The following MGAT4A variants were observed in gnomAD, a reference collection of about 807,000 sequenced individuals.
MGAT4A encodes the protein alpha-1,3-mannosyl-glycoprotein 4-beta-N-acetylglucosaminyltransferase A.
MGAT4A carries 33 observed loss-of-function variants against 74.1 expected under a neutral mutation model. The observed-to-expected ratio is 0.45, with a 90% confidence interval of 0.34 to 0.60. The LOEUF is 0.60. MGAT4A is among the 20% of genes least tolerant of loss of function. The pLI is 0.02. For synonymous variants in MGAT4A, 198 were observed against 210.4 expected, an observed-to-expected ratio of 0.94 and a Z score of 0.51; for missense variants, 479 against 628.3, an observed-to-expected ratio of 0.76 and a Z score of 2.54.
intron 3 of MGAT4A, among the ~76,000 whole-genome samples, chr2:98,675,474 A>C (rs989961318): frequency 3.9e-5 from 6 of 152,240 alleles, no homozygotes; most frequent in Admixed American, 2.0e-4. Context: ...AGTTTGCCAA[A>C]CAGACTCTAA....
chr2:98,621,896 A>G lies in MGAT4A; in HGVS notation c.*3670T>C. 1.0e-6 allele frequency: 1 copy of G among 1,002,912 alleles called. No homozygotes were observed. Among genetic ancestry groups the G allele is most frequent in the South Asian group, 4.3e-5 (1 of 23,420 alleles). The allele number at this position is 1,002,912 out of a possible 1,614,324, so 62.1% of individuals were successfully genotyped here. On this transcript the variant is annotated 3_prime_UTR_variant, in exon 16 of 16. Coordinates refer to ENST00000393487, the MANE Select transcript of MGAT4A (RefSeq NM_012214.3). ...CAACCACTGATTTGAGAAGATACACACTTTGTTCAAGGGTATTCAACCATC... is the reference window on the plus strand; with the variant it reads ...CAACCACTGATTTGAGAAGATACACGCTTTGTTCAAGGGTATTCAACCATC...
At chr2:98,671,449 G>A (rs1701909436) in intron 4 of MGAT4A, among the ~76,000 whole-genome samples, 1 of 152,148 alleles carries the variant, frequency 6.6e-6, no homozygotes, top group African/African-American at 2.4e-5. Flanking sequence ...TCCCATAAAT[G>A]GTCTAGGAGG....
At chr2:98,635,882 G>C (rs1701311468) in intron 13 of MGAT4A, among the ~76,000 whole-genome samples, 1 of 151,498 alleles carries the variant, frequency 6.6e-6, no homozygotes, top group South Asian at 2.1e-4. Flanking sequence ...CAGCTACTCG[G>C]GAGGCTGAGG....
rs1702704491 is a variant in MGAT4A, at chr2:98,723,176, C to A, written c.94+3063G>T. ...TATTCTTTCAAGTGGTGAATGAGGACTATGTCAAAGCAGTACTTCTAGGAA... is the reference window on the plus strand; with the variant it reads ...TATTCTTTCAAGTGGTGAATGAGGAATATGTCAAAGCAGTACTTCTAGGAA... On this transcript the variant is annotated intron_variant, in intron 2 of 15. Coordinates refer to ENST00000393487, the MANE Select transcript of MGAT4A (RefSeq NM_012214.3). 7.9e-5 allele frequency among the ~76,000 whole-genome samples: 12 copies of A among 152,178 alleles called. 1 individual carries two copies. In the South Asian group the frequency reaches 2.5e-3, roughly 32 times the overall value.
intron 2 of MGAT4A, among the ~76,000 whole-genome samples, chr2:98,707,066 T>C (rs1702449324): frequency 6.6e-6 from 1 of 151,876 alleles, no homozygotes; most frequent in Non-Finnish European, 1.5e-5. Flanking sequence ...AAATACAAAA[T>C]TAGCTGGGTG....
In MGAT4A at chr2:98,622,273, T is replaced by C. The variant is rs937046183; in HGVS notation, c.*3293A>G. 5.5e-5 allele frequency: 54 copies of C among 985,336 alleles called. No homozygotes were observed. The highest frequency in any genetic ancestry group is 6.5e-5 in the Non-Finnish European group (54 of 829,948). 61.0% of individuals were successfully genotyped at this position (985,336 alleles called of 1,614,324 possible). A position where few individuals can be genotyped will look rare whatever the true frequency, so the allele number is the denominator to read the frequency against. On this transcript the variant is annotated 3_prime_UTR_variant, in exon 16 of 16. Coordinates refer to ENST00000393487, the MANE Select transcript of MGAT4A (RefSeq NM_012214.3). ...GACACAGTACTGTTCAACAGAGCTT[T>C]CTGCAGTGATGGAAAAGTTCTGCAT...
At chr2:98,718,136 T>C (rs1379048423) in intron 2 of MGAT4A, among the ~76,000 whole-genome samples, 2 of 152,216 alleles carry the variant, frequency 1.3e-5, no homozygotes, top group African/African-American at 4.8e-5. Flanking sequence ...AGTCTACTGA[T>C]TCAAAGGTAC....
At chr2:98,663,938 T>C (rs1701789655) in intron 4 of MGAT4A, among the ~76,000 whole-genome samples, 1 of 152,152 alleles carries the variant, frequency 6.6e-6, no homozygotes, top group African/African-American at 2.4e-5. Flanking sequence ...CCAGGCACAG[T>C]GGTTCACGCC....
chr2:98,724,591 C>T (rs969782589), intron 2 of MGAT4A, among the ~76,000 whole-genome samples: 3 of 152,002 alleles, frequency 2.0e-5, no homozygotes, highest in African/African-American at 4.8e-5. Context: ...TCTAACACTG[C>T]GTGGAGAAAG....
At chr2:98,659,329 C>G (rs766590075) in intron 5 of MGAT4A, among the ~76,000 whole-genome samples, 1 of 152,114 alleles carries the variant, frequency 6.6e-6, no homozygotes, top group Non-Finnish European at 1.5e-5. Flanking sequence ...TAATTATGAG[C>G]ATTATTTCTC....
rs964428897 is a variant in MGAT4A, at chr2:98,623,712, T to C, written c.*1854A>G. 5.1e-6 allele frequency: 5 copies of C among 985,470 alleles called. No individual in the cohort carries two copies. The highest frequency in any genetic ancestry group is 6.0e-6 in the Non-Finnish European group (5 of 829,928). 61.0% of individuals were successfully genotyped at this position (985,470 alleles called of 1,614,324 possible). ...AATCAAGAAAAGTAACTAAAAATTA[T>C]AACAACATGGAGTGATGGAAATAAT... On this transcript the variant is annotated 3_prime_UTR_variant, in exon 16 of 16. Coordinates refer to ENST00000393487, the MANE Select transcript of MGAT4A (RefSeq NM_012214.3).
At position 98,622,111 on chromosome 2, in the gene MGAT4A, A is replaced by C; in HGVS notation, c.*3455T>G. The C allele has an allele frequency of 1.0e-6, 1 of 985,436 alleles. No homozygotes were observed. The highest frequency in any genetic ancestry group is 1.2e-6 in the Non-Finnish European group (1 of 829,884). 61.0% of individuals were successfully genotyped at this position (985,436 alleles called of 1,614,324 possible). A position where few individuals can be genotyped will look rare whatever the true frequency, so the allele number is the denominator to read the frequency against. ...AAGAAATCTTACATCTTAGAATCCT[A>C]GAAATGGGTCCTCAGCTTTCTCTTC... is the stretch of plus-strand genomic sequence containing the variant. On this transcript the variant is annotated 3_prime_UTR_variant, in exon 16 of 16. Transcript: ENST00000393487.
At chr2:98,662,072 T>C (rs546207845) in intron 5 of MGAT4A, among the ~76,000 whole-genome samples, 1 of 152,284 alleles carries the variant, frequency 6.6e-6, no homozygotes, top group East Asian at 1.9e-4. Flanking sequence ...CAATGTGGTG[T>C]TCCATAGTGC....
chr2:98,649,263 T>C (rs1701541318), intron 8 of MGAT4A, among the ~76,000 whole-genome samples: 1 of 152,098 alleles, frequency 6.6e-6, no homozygotes, highest in Non-Finnish European at 1.5e-5. Context: ...GATCCTCTAC[T>C]GTAAAAGAGG....
chr2:98,638,402 C>T (rs1471345603), intron 12 of MGAT4A, among the ~76,000 whole-genome samples: 1 of 152,048 alleles, frequency 6.6e-6, no homozygotes, highest in Non-Finnish European at 1.5e-5. Context: ...TGCTTTTCAC[C>T]CCACTTAGTA....
intron 2 of MGAT4A, among the ~76,000 whole-genome samples, chr2:98,703,017 CGGG>C: frequency 6.6e-6 from 1 of 152,236 alleles, no homozygotes; most frequent in Non-Finnish European, 1.5e-5. Context: ...GACTCATACT[CGGG>C]GGAAAAATAA....
intron 1 of MGAT4A, among the ~76,000 whole-genome samples, chr2:98,728,257 G>A (rs1255229779): frequency 1.3e-5 from 2 of 152,194 alleles, no homozygotes; most frequent in Non-Finnish European, 2.9e-5. Context: ...AACTATGCCT[G>A]TTAACCCTCA....
At chr2:98,643,501 A>T (rs1701442504) in intron 10 of MGAT4A, among the ~76,000 whole-genome samples, 1 of 152,236 alleles carries the variant, frequency 6.6e-6, no homozygotes, top group Non-Finnish European at 1.5e-5. Flanking sequence ...GTTTTGGTAT[A>T]AAATATTACT....
chr2:98,631,562 C>T (rs1285468345), intron 14 of MGAT4A, among the ~76,000 whole-genome samples: 2 of 152,208 alleles, frequency 1.3e-5, no homozygotes, highest in Non-Finnish European at 2.9e-5. Flanking sequence ...AGCACACGGG[C>T]GGGCGGAAGA....
Sources: allele counts gnomAD v4.1 joint callset (sites outside exome capture counted in the v4.1 genomes callset), GRCh38; gene constraint gnomAD v4.1.1; transcripts MANE v1.5; gene names NCBI Gene and HGNC (gene_info 2026-07-23, HGNC 2026-07-21).